RECQL5: variants seen among roughly 807,000 people sequenced by gnomAD.
The protein encoded by RECQL5 is RecQ like helicase 5, also known as ATP-dependent DNA helicase Q5.
In RECQL5, 88 loss-of-function variants were observed where a neutral mutation model predicts 103.4. That is an observed-to-expected ratio of 0.85 (90% CI 0.72 to 1.02). The LOEUF is 1.02. Among genes scored for constraint, RECQL5 ranks in the 50% least tolerant of loss-of-function variants. The pLI is 0.00. For missense variants in RECQL5, 1,232 were observed against 1,284.3 expected (o/e 0.96, Z 0.62); for synonymous variants, 552 against 507.9 (o/e 1.09, Z -1.17).
chr17:75,649,073 T>TATCAGCTGA (rs1308487200), intron 8 of RECQL5: 1 of 152,072 alleles, frequency 6.6e-6, no homozygotes, highest in Non-Finnish European at 1.5e-5. Flanking sequence ...AGTCAATATT[T>TATCAGCTGA]ATCAGCTGAA....
chr17:75,640,710 G>A lies in RECQL5; in HGVS notation c.1230-9042C>T. The stretch of plus-strand genomic sequence containing the variant: ...AACCTGTGGGGGAAAGACCCTGGCA[G>A]GCAGTGGGTTTCTCTGGGAGGAGGG... On this transcript the variant is annotated intron_variant, in intron 8 of 19. Transcript: ENST00000317905. This position sits in a 1 kb window ranked among gnomAD's most constrained non-coding sequence, Gnocchi z 4.6. The A allele has an allele frequency of 6.6e-7, 1 of 1,514,024 alleles. No individual in the cohort carries two copies. The highest frequency in any genetic ancestry group is 1.2e-5 in the South Asian group (1 of 80,884). 93.8% of individuals were successfully genotyped at this position (1,514,024 alleles called of 1,614,324 possible).
In RECQL5 at chr17:75,629,785, C is replaced by G. The variant is rs1310943107; in HGVS notation, c.1870G>C (p.Ala624Pro). ...TCAGCTTGGGCACTGCAGCTCTTGG[C>G]ACTGCCTCCCATGTCATAGGGCTGC... ...DGQPYDMGGSAKSCSAQAEPP... is the reference protein window; with the variant it reads ...DGQPYDMGGSPKSCSAQAEPP... Residue 624 changes from alanine to proline, a missense_variant, in exon 15 of 20, where the codon GCC (alanine) becomes CCC (proline). Physicochemically the swap from Ala to Pro is conservative, Grantham distance 27. Coordinates refer to ENST00000317905, the MANE Select transcript of RECQL5 (RefSeq NM_004259.7). 4.3e-6 allele frequency: 7 copies of G among 1,613,636 alleles called. No individual in the cohort carries two copies. The Admixed American group carries it at 1.2e-4, about 27-fold the overall frequency.
At chr17:75,630,305 G>C (rs753882828) in intron 13 of RECQL5, 28 bp from the exon 14 acceptor site, 3 of 1,523,940 alleles carry the variant, frequency 2.0e-6, no homozygotes, top group Non-Finnish European at 2.7e-6. Flanking sequence ...CAGGCACAAG[G>C]TATCAGGTGG....
intron 8 of RECQL5, chr17:75,647,837 TG>T (rs1267768537): frequency 5.4e-6 from 2 of 373,150 alleles, no homozygotes; most frequent in African/African-American, 4.2e-5. Context: ...ATGGAGAGGA[TG>T]GCTCCACTGC....
Position 75,640,903 on chromosome 17 carries a change from G to C in RECQL5, c.1230-9235C>G, listed in dbSNP as rs761285592. On this transcript the variant is annotated intron_variant, in intron 8 of 19. Coordinates refer to ENST00000317905, the MANE Select transcript of RECQL5 (RefSeq NM_004259.7). This position sits in a 1 kb window ranked among gnomAD's most constrained non-coding sequence, Gnocchi z 4.6. ...TGCAGCCGACACCACCATGACGGACGGGCGATGGCTGAGGAGAAGCTGGAG... is the reference window on the plus strand; with the variant it reads ...TGCAGCCGACACCACCATGACGGACCGGCGATGGCTGAGGAGAAGCTGGAG... 2 of 1,542,472 alleles carry C rather than the reference G, an allele frequency of 1.3e-6. No homozygotes were observed. Among genetic ancestry groups the C allele is most frequent in the African/African-American group, 2.7e-5 (2 of 73,180 alleles).
intron 6 of RECQL5, among the ~76,000 whole-genome samples, chr17:75,658,869 A>C (rs2059662549): frequency 6.6e-6 from 1 of 152,162 alleles, no homozygotes; most frequent in Non-Finnish European, 1.5e-5. Context: ...TATATGTCTC[A>C]TTTAATTGTT....
At chr17:75,633,409 C>G in intron 8 of RECQL5, 1 of 1,283,914 alleles carries the variant, frequency 7.8e-7, no homozygotes, top group South Asian at 1.2e-5. Context: ...GAGCCCTGCC[C>G]TGACAGCTGG....
At chr17:75,647,248 G>GC (rs1263634375) in intron 8 of RECQL5, 1 of 759,962 alleles carries the variant, frequency 1.3e-6, no homozygotes, top group Non-Finnish European at 2.1e-6. Context: ...TCCCCTGGCT[G>GC]CCAGGCGGGC....
Position 75,630,208 on chromosome 17 carries a change from G to T in RECQL5, c.1788C>A (p.Leu596=). ...ETFRNAKVAN[L]YKASVLKKVA... The stretch of plus-strand genomic sequence containing the variant: ...CCTTCTTCAGCACGCTGGCCTTGTA[G>T]AGGTTGGCCACCTTGGCGTTCCGGA... The change falls in exon 14 of 20, where the codon CTC becomes CTA. Residue 596 remains leucine (L), a synonymous_variant. Transcript: ENST00000317905. The T allele has an allele frequency of 6.4e-7, 1 of 1,556,754 alleles. No homozygotes were observed. Among genetic ancestry groups the T allele is most frequent in the East Asian group, 2.4e-5 (1 of 41,874 alleles).
chr17:75,654,406 G>A (rs962736682), intron 7 of RECQL5, among the ~76,000 whole-genome samples: 2 of 152,042 alleles, frequency 1.3e-5, no homozygotes, highest in Non-Finnish European at 2.9e-5. Flanking sequence ...CTGTCTTTCC[G>A]GACTACTCTC....
Position 75,649,770 on chromosome 17 carries a change from T to C in RECQL5, c.1229+1416A>G. On this transcript the variant is annotated intron_variant, in intron 8 of 19. Coordinates refer to ENST00000317905, the MANE Select transcript of RECQL5 (RefSeq NM_004259.7). The stretch of plus-strand genomic sequence containing the variant: ...GCCTGGATTTCAGAATCATCACATG[T>C]AGCAAAGGAGACAGGCACGAGGCTG... 4 of 985,474 alleles carry C rather than the reference T, an allele frequency of 4.1e-6. No homozygotes were observed. The South Asian group carries it at 1.9e-4, about 46-fold the overall frequency. The allele number at this position is 985,474 out of a possible 1,614,324, so 61.0% of individuals were successfully genotyped here. A position where few individuals can be genotyped will look rare whatever the true frequency, so the allele number is the denominator to read the frequency against.
At chr17:75,658,227 T>C in intron 7 of RECQL5, 71 bp downstream of exon 7, 2 of 1,522,770 alleles carry the variant, frequency 1.3e-6, no homozygotes, top group South Asian at 2.5e-5. Flanking sequence ...TCATCAGAGT[T>C]CAGAAATCAG....
chr17:75,665,347 G>A (rs1317239912), intron 2 of RECQL5, among the ~76,000 whole-genome samples, 175 bp from the exon 3 acceptor site: 1 of 152,288 alleles, frequency 6.6e-6, no homozygotes, highest in East Asian at 1.9e-4. Flanking sequence ...AGGATCCTGG[G>A]AAACTTGGAT....
intron 11 of RECQL5, 66 bp from the exon 12 acceptor site, chr17:75,630,903 G>A (rs9896073): frequency 4.4e-5 from 69 of 1,581,630 alleles, no homozygotes; most frequent in Non-Finnish European, 5.9e-5. Context: ...GTCCCCCACA[G>A]CCCGGATGAG....
In RECQL5 at chr17:75,665,279, C is replaced by G. The variant is rs1039957582; in HGVS notation, c.131-107G>C. 3.8e-5 allele frequency: 38 copies of G among 999,638 alleles called. No individual in the cohort carries two copies. The Admixed American group carries it at 8.5e-4, about 22-fold the overall frequency. The allele number at this position is 999,638 out of a possible 1,614,324, so 61.9% of individuals were successfully genotyped here. A position where few individuals can be genotyped will look rare whatever the true frequency, so the allele number is the denominator to read the frequency against. ...AAAGCACCTAGCAGAGTGTCTGGCA[C>G]ATGGGAGGGTCTCGATGTAATCCTA... On this transcript the variant is annotated intron_variant, in intron 2 of 19. Coordinates refer to ENST00000317905, the MANE Select transcript of RECQL5 (RefSeq NM_004259.7).
chr17:75,663,104 A>G (rs2059720878), intron 3 of RECQL5, 107 bp from the exon 4 acceptor site: 1 of 1,079,692 alleles, frequency 9.3e-7, no homozygotes, highest in Non-Finnish European at 1.3e-6. Context: ...CCCACCCTCC[A>G]ATATATATTC....
intron 3 of RECQL5, among the ~76,000 whole-genome samples, chr17:75,664,614 T>C (rs1319622271): frequency 6.6e-6 from 1 of 151,942 alleles, no homozygotes; most frequent in African/African-American, 2.4e-5. Context: ...AGGCAAATCA[T>C]AGAAAATAAG....
chr17:75,656,566 G>A (rs926543329), intron 7 of RECQL5, among the ~76,000 whole-genome samples: 2 of 151,360 alleles, frequency 1.3e-5, no homozygotes, highest in Non-Finnish European at 2.9e-5. Flanking sequence ...AAAAGCTACT[G>A]ATCTTTAAAC....
At chr17:75,644,227 C>T (rs2059463567) in intron 8 of RECQL5, among the ~76,000 whole-genome samples, 1 of 152,078 alleles carries the variant, frequency 6.6e-6, no homozygotes, top group African/African-American at 2.4e-5. Context: ...ATTGCTTGAA[C>T]CCAGGAGGCA....
Sources: gnomAD v4.1 joint callset for allele counts (sites outside exome capture counted in the v4.1 genomes callset) on GRCh38, gnomAD v4.1.1 for gene constraint, Gnocchi (gnomAD v3.1) non-coding constraint, MANE v1.5 for transcripts, NCBI Gene and HGNC (gene_info 2026-07-23, HGNC 2026-07-21) for gene names.